TMED7: variants seen among roughly 807,000 people sequenced by gnomAD.
TMED7 encodes transmembrane p24 trafficking protein 7.
In TMED7, 8 loss-of-function variants were observed where a neutral mutation model predicts 23.4. That is an observed-to-expected ratio of 0.34 (90% CI 0.20 to 0.62). The LOEUF is 0.62. Ranked by LOEUF, TMED7 falls within the 20% of genes least tolerant of loss-of-function variation. TMED7 has a pLI of 0.77. For missense variants in TMED7, 232 were observed against 279.1 expected (o/e 0.83, Z 1.20); for synonymous variants, 121 against 108.5 (o/e 1.12, Z -0.72).
At chr5:115,623,250 G>C (rs1290199761) in intron 1 of TMED7, among the ~76,000 whole-genome samples, 2 of 152,224 alleles carry the variant, frequency 1.3e-5, no homozygotes, top group Admixed American at 1.3e-4. Flanking sequence ...AACCACCCAA[G>C]TGTGCAAAGA....
At chr5:115,620,256 T>G in intron 2 of TMED7, 179 bp downstream of exon 2, 1 of 836,614 alleles carries the variant, frequency 1.2e-6, no homozygotes, top group Non-Finnish European at 1.6e-6. Context: ...CTTTCAACAT[T>G]ATTTTTCACT....
chr5:115,620,785 T>A (rs1485090820), intron 1 of TMED7, 105 bp from the exon 2 acceptor site: 4 of 1,237,778 alleles, frequency 3.2e-6, no homozygotes, highest in Non-Finnish European at 4.1e-6. Flanking sequence ...GGCAAAGGAC[T>A]TTTACTATCT....
chr5:115,616,180 G>A lies in TMED7; in HGVS notation c.*29C>T, dbSNP rs759954768. On this transcript the variant is annotated 3_prime_UTR_variant, in exon 3 of 3. Transcript: ENST00000456936. The stretch of plus-strand genomic sequence containing the variant: ...ATTAGAGGACAGCAATATTACAGTG[G>A]CAATGGTGCATCAATTCTCAAAACG... 1 of 1,595,016 alleles carries A rather than the reference G, an allele frequency of 6.3e-7. No individual in the cohort carries two copies. The highest frequency in any genetic ancestry group is 1.1e-5 in the South Asian group (1 of 90,658).
chr5:115,620,463 C>G lies in TMED7; in HGVS notation c.410G>C (p.Ser137Thr). Residue 137 changes from serine (S) to threonine (T), a missense_variant, in exon 2 of 3, where the codon AGT becomes ACT. This residue lies in a region of TMED7 where 126 missense variants were observed against 182.1 expected (regional missense o/e 0.69). Coordinates refer to ENST00000456936, the MANE Select transcript of TMED7 (RefSeq NM_181836.6). ...GGTAAGAGCACTGACTCGGTTCTCACTAGGAAACAAAGGTGGGTCTTCTCC... is the reference window on the plus strand; with the variant it reads ...GGTAAGAGCACTGACTCGGTTCTCAGTAGGAAACAAAGGTGGGTCTTCTCC... The part of the protein sequence containing the change: ...QVGEDPPLFP[S>T]ENRVSALTQM... The G allele has an allele frequency of 1.3e-6, 2 of 1,566,358 alleles. No homozygotes were observed. The highest frequency in any genetic ancestry group is 1.7e-6 in the Non-Finnish European group (2 of 1,157,486).
At position 115,625,679 on chromosome 5, in the gene TMED7, G is replaced by A. The variant is rs778031565; in HGVS notation, c.114C>T (p.Thr38=). The part of the protein sequence containing the change: ...VPGPGGASEI[T]FELPDNAKQC... The stretch of plus-strand genomic sequence containing the variant: ...GCTTGGCGTTGTCAGGAAGCTCGAA[G>A]GTGATCTCAGAGGCGCCGCCGGGTC... The change falls in exon 1 of 3, where the codon ACC becomes ACT. Residue 38 remains threonine, a synonymous_variant. Coordinates refer to ENST00000456936, the MANE Select transcript of TMED7 (RefSeq NM_181836.6). 3.1e-6 allele frequency: 5 copies of A among 1,603,762 alleles called. No individual in the cohort carries two copies. The highest frequency in any genetic ancestry group is 2.2e-5 in the South Asian group (2 of 89,428).
In TMED7 at chr5:115,616,437, A is replaced by C. The variant is rs1756749000; in HGVS notation, c.447T>G (p.Ser149=). 1 of 1,614,190 alleles carries C rather than the reference A, an allele frequency of 6.2e-7. No homozygotes were observed. Among genetic ancestry groups the C allele is most frequent in the Non-Finnish European group, 8.5e-7 (1 of 1,179,992 alleles). Residue 149 remains serine (S), a synonymous_variant, in exon 3 of 3, where the codon TCT becomes TCG. Coordinates refer to ENST00000456936, the MANE Select transcript of TMED7 (RefSeq NM_181836.6). Reference sequence around the variant, plus strand: ...GAGCTTCGTGAATTGAAACACAGGCAGATTCCATCTGCAGAGAAATATTTT... The same window carrying C: ...GAGCTTCGTGAATTGAAACACAGGCCGATTCCATCTGCAGAGAAATATTTT... ...NRVSALTQME[S]ACVSIHEALK...
chr5:115,619,554 C>A (rs1202347932), intron 2 of TMED7, among the ~76,000 whole-genome samples: 1 of 152,060 alleles, frequency 6.6e-6, no homozygotes, highest in Non-Finnish European at 1.5e-5. Flanking sequence ...CTTTGAATTT[C>A]AGATTTTTTC....
At chr5:115,622,391 T>C (rs1010031191) in intron 1 of TMED7, among the ~76,000 whole-genome samples, 2 of 152,210 alleles carry the variant, frequency 1.3e-5, no homozygotes, top group African/African-American at 4.8e-5. Flanking sequence ...CTCAAATTCA[T>C]CGCATTCCGA....
At chr5:115,621,850 C>G (rs888267546) in intron 1 of TMED7, among the ~76,000 whole-genome samples, 1 of 152,146 alleles carries the variant, frequency 6.6e-6, no homozygotes, top group Non-Finnish European at 1.5e-5. Flanking sequence ...ACCTTGAACT[C>G]TCTTGGTTAG....
Position 115,620,570 on chromosome 5 carries a change from G to A in TMED7, c.303C>T (p.Ser101=). 1 of 1,606,388 alleles carries A rather than the reference G, an allele frequency of 6.2e-7. No homozygotes were observed. Among genetic ancestry groups the A allele is most frequent in the Non-Finnish European group, 8.5e-7 (1 of 1,177,166 alleles). ...KQYDSFTFTA[S]KNGTYKFCFS... ...AGCAAAATTTGTATGTCCCATTTTT[G>A]GAGGCTGTGAAGGTAAAACTATCAT... Residue 101 remains serine, a synonymous_variant, in exon 2 of 3, where the codon TCC becomes TCT. Coordinates refer to ENST00000456936, the MANE Select transcript of TMED7 (RefSeq NM_181836.6).
chr5:115,625,746 C>G lies in TMED7; in HGVS notation c.47G>C (p.Arg16Pro). The change falls in exon 1 of 3, where the codon CGT (arginine) becomes CCT (proline). Residue 16 changes from arginine (R) to proline (P), a missense_variant. Physicochemically the swap from Arg to Pro is moderately radical, Grantham distance 103. Around this residue, in one of 2 missense-constraint regions of TMED7, gnomAD observed 106 missense variants for 97.0 expected, o/e 1.09. Coordinates refer to ENST00000456936, the MANE Select transcript of TMED7 (RefSeq NM_181836.6). ...SAQRWAAVAG[R>P]WGCRLLALLL... The stretch of plus-strand genomic sequence containing the variant: ...CAGTGCGAGCAGCCTGCACCCCCAA[C>G]GGCCCGCGACGGCCGCCCAGCGCTG... 6.5e-7 allele frequency: 1 copy of G among 1,544,942 alleles called. No homozygotes were observed. The highest frequency in any genetic ancestry group is 8.7e-7 in the Non-Finnish European group (1 of 1,148,056).
chr5:115,616,333 G>A lies in TMED7; in HGVS notation c.551C>T (p.Thr184Ile). Residue 184 changes from threonine to isoleucine, a missense_variant, in exon 3 of 3, where the codon ACA (threonine) becomes ATA (isoleucine). Physicochemically the swap from Thr to Ile is moderately conservative, Grantham distance 89. Transcript: ENST00000456936. ...QGRSRAEDLN[T>I]RVAYWSVGEA... ...TCCTACTGACCAATAGGCCACTCTT[G>A]TATTTAGATCCTCTGCTCGGCTTCG... 1 of 1,614,156 alleles carries A rather than the reference G, an allele frequency of 6.2e-7. No individual in the cohort carries two copies. Among genetic ancestry groups the A allele is most frequent in the Non-Finnish European group, 8.5e-7 (1 of 1,179,998 alleles).
At position 115,622,525 on chromosome 5, in the gene TMED7, C is replaced by T. The variant is rs983615426; in HGVS notation, c.193-1845G>A. ...TATTCCCATTTTGAACTGAATAATT[C>T]TGTGTTGTAGGAGGCTGTATGGTCC... On this transcript the variant is annotated intron_variant, in intron 1 of 2. Coordinates refer to ENST00000456936, the MANE Select transcript of TMED7 (RefSeq NM_181836.6). Among the ~76,000 whole-genome samples the T allele has an allele frequency of 1.1e-4, 17 of 152,264 alleles. No homozygotes were observed. The East Asian group carries it at 2.9e-3, about 26-fold the overall frequency.
rs990140602 is a variant in TMED7 at position 115,613,294 on chromosome 5, A to G, written c.*2915T>C. Among the ~76,000 whole-genome samples the G allele has an allele frequency of 6.6e-6, 1 of 152,136 alleles. No homozygotes were observed. The highest frequency in any genetic ancestry group is 2.4e-5 in the African/African-American group (1 of 41,420). The stretch of plus-strand genomic sequence containing the variant: ...ATTTAACTGCTTTTCACCTACACAA[A>G]CTTTCAGTAAGGAATGCAAAGAGAA... On this transcript the variant is annotated 3_prime_UTR_variant, in exon 3 of 3. Coordinates refer to ENST00000456936, the MANE Select transcript of TMED7 (RefSeq NM_181836.6).
At chr5:115,619,865 C>T (rs969151724) in intron 2 of TMED7, among the ~76,000 whole-genome samples, 20 of 152,232 alleles carry the variant, frequency 1.3e-4, no homozygotes, top group African/African-American at 4.6e-4. Context: ...AAATTTTTTA[C>T]GCTTTCTCTA....
Position 115,616,401 on chromosome 5 carries a change from G to T in TMED7, c.483C>A (p.Val161=). Residue 161 remains valine (V), a synonymous_variant, in exon 3 of 3, where the codon GTC becomes GTA. Coordinates refer to ENST00000456936, the MANE Select transcript of TMED7 (RefSeq NM_181836.6). The part of the protein sequence containing the change: ...CVSIHEALKS[V]IDYQTHFRLR... ...AACGGAAATGAGTCTGATAATCGAT[G>T]ACAGACTTCAGAGCTTCGTGAATTG... 1.2e-6 allele frequency: 2 copies of T among 1,614,158 alleles called. No homozygotes were observed. The highest frequency in any genetic ancestry group is 1.7e-6 in the Non-Finnish European group (2 of 1,179,996).
chr5:115,623,918 G>A (rs1294299336), intron 1 of TMED7, among the ~76,000 whole-genome samples: 3 of 152,186 alleles, frequency 2.0e-5, no homozygotes, highest in African/African-American at 7.2e-5. Context: ...AATTTAACTT[G>A]GGACTGCGTT....
intron 1 of TMED7, among the ~76,000 whole-genome samples, chr5:115,621,488 T>G (rs1218577045): frequency 2.6e-5 from 4 of 152,160 alleles, no homozygotes; most frequent in African/African-American, 9.7e-5. Context: ...TCTGTTTATC[T>G]AGAAAGCCAG....
rs1262777302 is a variant in TMED7, at chr5:115,615,896, A to C, written c.*313T>G. ...AACTACCTATAAGAAAAGTAGTCTT[A>C]AATGGTTAAAAGGAATCAAAATACC... On this transcript the variant is annotated 3_prime_UTR_variant, in exon 3 of 3. Coordinates refer to ENST00000456936, the MANE Select transcript of TMED7 (RefSeq NM_181836.6). 1 of 305,754 alleles carries C rather than the reference A, an allele frequency of 3.3e-6. No individual in the cohort carries two copies. Among genetic ancestry groups the C allele is most frequent in the East Asian group, 6.9e-5 (1 of 14,426 alleles). 18.9% of individuals were successfully genotyped at this position (305,754 alleles called of 1,614,324 possible).
Sources: allele counts gnomAD v4.1 joint callset (sites outside exome capture counted in the v4.1 genomes callset), GRCh38; gene constraint gnomAD v4.1.1; regional missense constraint gnomAD v4.1.1; transcripts MANE v1.5; gene names NCBI Gene and HGNC (gene_info 2026-07-23, HGNC 2026-07-21).